The following JAZF1 variants were observed in gnomAD, a reference collection of about 807,000 sequenced individuals.
JAZF1 encodes the protein juxtaposed with another zinc finger protein 1.
JAZF1 carries 8 observed loss-of-function variants against 26.4 expected under a neutral mutation model. That is an observed-to-expected ratio of 0.30 (90% confidence interval 0.18 to 0.55). JAZF1 has a LOEUF of 0.55. JAZF1 is among the 20% of genes least tolerant of loss of function. JAZF1 has a pLI of 0.94. For synonymous variants in JAZF1, 126 were observed against 122.3 expected (o/e 1.03, Z -0.20); for missense variants, 199 against 322.0 (o/e 0.62, Z 2.92).
chr7:27,889,587 A>G (rs1452583540), intron 3 of JAZF1, among the ~76,000 whole-genome samples: 1 of 152,226 alleles, frequency 6.6e-6, no homozygotes, highest in Non-Finnish European at 1.5e-5. Flanking sequence ...TCATCTTCCT[A>G]TCATATTAAG....
In JAZF1 at chr7:27,840,844, C is replaced by T; in HGVS notation, c.409G>A (p.Val137Met). 1 of 1,614,126 alleles carries T rather than the reference C, an allele frequency of 6.2e-7. No homozygotes were observed. Among genetic ancestry groups the T allele is most frequent in the Non-Finnish European group, 8.5e-7 (1 of 1,180,010 alleles). Residue 137 changes from valine to methionine, a missense_variant, in exon 4 of 5, where the codon GTG becomes ATG. Val to Met is a conservative substitution (Grantham distance 21, BLOSUM62 1). Coordinates refer to ENST00000283928, the MANE Select transcript of JAZF1 (RefSeq NM_175061.4). This position sits in a 1 kb window ranked among gnomAD's most constrained non-coding sequence, Gnocchi z 5.1. ...TCGCTGTCCGACTCCTCATAGTCCA[C>T]CTCCTCCTCGTCATACTCGCTGCCT... ...PTGSEYDEEE[V>M]DYEESDSDES...
chr7:28,016,739 A>T (rs1782900378), intron 1 of JAZF1, among the ~76,000 whole-genome samples: 2 of 152,044 alleles, frequency 1.3e-5, no homozygotes, highest in African/African-American at 4.8e-5. Context: ...TCCCTCCCTA[A>T]AGAGCCTGTT....
At chr7:28,118,620 C>A (rs1285969355) in intron 1 of JAZF1, among the ~76,000 whole-genome samples, 1 of 152,172 alleles carries the variant, frequency 6.6e-6, no homozygotes, top group African/African-American at 2.4e-5. Context: ...TATTCTATGG[C>A]AAATGACTTT....
intron 1 of JAZF1, among the ~76,000 whole-genome samples, chr7:28,143,075 G>T (rs1050455406): frequency 1.3e-5 from 2 of 152,180 alleles, no homozygotes. Context: ...GAGAGAGAAT[G>T]AAGAGTTTTG....
intron 2 of JAZF1, among the ~76,000 whole-genome samples, chr7:27,898,481 T>C (rs1248041506): frequency 6.6e-6 from 1 of 151,820 alleles, no homozygotes; most frequent in East Asian, 1.9e-4. Context: ...ATTTTTGTAT[T>C]TTTAGTAGAG....
intron 2 of JAZF1, among the ~76,000 whole-genome samples, chr7:27,963,425 A>G (rs921164116): frequency 1.4e-4 from 21 of 152,180 alleles, no homozygotes; most frequent in African/African-American, 4.8e-4. Flanking sequence ...CTTGTTCCCT[A>G]TGATTACTCA....
At chr7:27,848,084 C>T (rs920786853) in intron 3 of JAZF1, among the ~76,000 whole-genome samples, 1 of 152,156 alleles carries the variant, frequency 6.6e-6, no homozygotes, top group African/African-American at 2.4e-5. Flanking sequence ...ATTGTTTTTA[C>T]TGTTTCCGTG....
chr7:28,032,127 T>G (rs1052792945), intron 1 of JAZF1, among the ~76,000 whole-genome samples: 1 of 152,202 alleles, frequency 6.6e-6, no homozygotes, highest in Non-Finnish European at 1.5e-5. Context: ...AGTGGTATGA[T>G]CTATGTTTAT....
At chr7:28,065,803 A>G (rs1301984797) in intron 1 of JAZF1, among the ~76,000 whole-genome samples, 1 of 152,194 alleles carries the variant, frequency 6.6e-6, no homozygotes, top group African/African-American at 2.4e-5. Context: ...CAGAGAAAAT[A>G]AAACTACAAC....
intron 2 of JAZF1, among the ~76,000 whole-genome samples, chr7:27,927,690 T>A (rs1449120196): frequency 1.3e-5 from 2 of 152,282 alleles, no homozygotes; most frequent in Non-Finnish European, 2.9e-5. Context: ...CAAGAGATGT[T>A]TTTTATATTG....
At chr7:28,033,594 A>G (rs1481142613) in intron 1 of JAZF1, among the ~76,000 whole-genome samples, 1 of 152,168 alleles carries the variant, frequency 6.6e-6, no homozygotes, top group Non-Finnish European at 1.5e-5. Context: ...CAGCTGAGGA[A>G]AGCAAGAACT....
chr7:28,150,945 T>A (rs1783103311), intron 1 of JAZF1, among the ~76,000 whole-genome samples: 1 of 152,196 alleles, frequency 6.6e-6, no homozygotes, highest in East Asian at 1.9e-4. Flanking sequence ...GCATGAAGAA[T>A]TTGTAACTAG....
chr7:27,887,944 T>C (rs897132920), intron 3 of JAZF1, among the ~76,000 whole-genome samples: 6 of 152,124 alleles, frequency 3.9e-5, no homozygotes, highest in Non-Finnish European at 8.8e-5. Flanking sequence ...ATAAAGGTTT[T>C]TACTAGTCAA....
At chr7:27,874,721 C>CCCACTCGGAATGA (rs1783645408) in intron 3 of JAZF1, among the ~76,000 whole-genome samples, 1 of 432 alleles carries the variant, frequency 2.3e-3, no homozygotes, top group African/African-American at 0.083. Flanking sequence ...TAATCGAGAT[C>CCCACTCGGAATGA]CTTATCTGGG....
At chr7:28,118,689 C>T (rs57235583) in intron 1 of JAZF1, among the ~76,000 whole-genome samples, 1,941 of 151,832 alleles carry the variant, frequency 0.013, 32 homozygotes, top group African/African-American at 0.044. Context: ...GTATTCAATC[C>T]ATAATGTACA....
At chr7:28,015,120 T>TA (rs1191005917) in intron 1 of JAZF1, among the ~76,000 whole-genome samples, 5 of 151,916 alleles carry the variant, frequency 3.3e-5, no homozygotes, top group African/African-American at 7.3e-5. Flanking sequence ...CTAAAAATTC[T>TA]GACGCAGCTC....
chr7:28,013,037 C>G (rs1248462625), intron 1 of JAZF1, among the ~76,000 whole-genome samples: 2 of 152,184 alleles, frequency 1.3e-5, no homozygotes, highest in Non-Finnish European at 2.9e-5. Context: ...GATGGGCATT[C>G]TCTCCCACTA....
chr7:28,147,336 G>A (rs1783042218), intron 1 of JAZF1, among the ~76,000 whole-genome samples: 1 of 152,002 alleles, frequency 6.6e-6, no homozygotes, highest in African/African-American at 2.4e-5. Flanking sequence ...TGCTCAACCT[G>A]CACTATTTTC....
rs369574145 is a variant in JAZF1, at chr7:28,180,587, T to G, written c.-10A>C. 2.6e-6 allele frequency: 4 copies of G among 1,565,458 alleles called. No individual in the cohort carries two copies. In the African/African-American group the frequency reaches 4.3e-5, roughly 17 times the overall value. ...CGGCGATGCCTGTCATGGTGCTACA[T>G]CGAGAGCCCCCCTGGTGTCGGCTCT... On this transcript the variant is annotated 5_prime_UTR_variant, in exon 1 of 5. The change abolishes an upstream ATG in the 5' untranslated region. Transcript: ENST00000283928.
Sources: gnomAD v4.1 joint callset for allele counts (sites outside exome capture counted in the v4.1 genomes callset) on GRCh38, gnomAD v4.1.1 for gene constraint, Gnocchi (gnomAD v3.1) non-coding constraint, MANE v1.5 for transcripts, NCBI Gene and HGNC (gene_info 2026-07-23, HGNC 2026-07-21) for gene names.